The following PCDH15 variants were observed in gnomAD, a reference collection of about 807,000 sequenced individuals.
PCDH15 encodes protocadherin-15.
Under a neutral mutation model 178.5 loss-of-function variants are expected in PCDH15, and 129 were observed. The observed-to-expected ratio is 0.72, with a 90% CI of 0.63 to 0.84. PCDH15 has a LOEUF of 0.84. Among genes scored for constraint, PCDH15 ranks in the 40% least tolerant of loss-of-function variants. The pLI is 0.00. For missense variants in PCDH15, 2,230 were observed against 2,099.9 expected (o/e 1.06, Z -1.21); for synonymous variants, 800 against 732.0 (o/e 1.09, Z -1.50).
rs77636147 is a variant in PCDH15 at position 55,432,385 on chromosome 10, T to C, written c.-156+195240A>G. ...TTTATTCTGAGTGCTATGGAAGGCA[T>C]TGCAGGGTTCTGAGTGGAGGATTGA... On this transcript the variant is annotated intron_variant, in intron 2 of 5. Transcript: ENST00000613346. 4.4e-3 allele frequency among the ~76,000 whole-genome samples: 673 copies of C among 152,266 alleles called. 7 individuals carry two copies. The highest frequency in any genetic ancestry group is 0.016 in the African/African-American group (644 of 41,548).
chr10:55,528,330 A>G (rs539591205), intron 2 of PCDH15, among the ~76,000 whole-genome samples: 5 of 151,984 alleles, frequency 3.3e-5, no homozygotes, highest in Non-Finnish European at 7.4e-5. Context: ...GCACCCATTA[A>G]CTGCTCATTT....
At chr10:54,093,974 C>T (rs984936414) in intron 15 of PCDH15, among the ~76,000 whole-genome samples, 6 of 151,962 alleles carry the variant, frequency 3.9e-5, no homozygotes, top group Admixed American at 2.6e-4. Flanking sequence ...AAGTCATATC[C>T]GAGTCCCTTC....
Position 53,865,375 on chromosome 10 carries a change from C to G in PCDH15, c.3717+1267G>C, listed in dbSNP as rs530892394. Among the ~76,000 whole-genome samples the G allele has an allele frequency of 5.3e-4, 81 of 152,044 alleles. 1 individual carries two copies. The highest frequency in any genetic ancestry group is 5.6e-4 in the Non-Finnish European group (38 of 68,022). On this transcript the variant is annotated intron_variant, in intron 27 of 37. Coordinates refer to ENST00000644397, the MANE Select transcript of PCDH15 (RefSeq NM_001384140.1). ...CACAATGGAAGTTAAAATTATTCGG[C>G]TAATTGGACTGGACATCCTGGTAGG...
intron 3 of PCDH15, among the ~76,000 whole-genome samples, chr10:54,807,478 A>G (rs1952796905): frequency 6.6e-6 from 1 of 152,048 alleles, no homozygotes; most frequent in Non-Finnish European, 1.5e-5. Context: ...ACTGTAGGAT[A>G]GTGGCTACTA....
chr10:55,504,155 A>C (rs1840713318), intron 2 of PCDH15, among the ~76,000 whole-genome samples: 1 of 151,270 alleles, frequency 6.6e-6, no homozygotes, highest in Non-Finnish European at 1.5e-5. Flanking sequence ...CCTAACGTAA[A>C]CTATGCATTC....
At chr10:54,455,255 G>A (rs1251410339) in intron 3 of PCDH15, among the ~76,000 whole-genome samples, 2 of 152,136 alleles carry the variant, frequency 1.3e-5, no homozygotes, top group African/African-American at 4.8e-5. Flanking sequence ...TGGTAGTGCA[G>A]AGAGTGGGGC....
chr10:53,974,770 A>AT (rs931239533), intron 21 of PCDH15, among the ~76,000 whole-genome samples: 53 of 148,444 alleles, frequency 3.6e-4, no homozygotes, highest in Admixed American at 6.7e-4. Context: ...CCTTTTTCTT[A>AT]TTTTTTTTTT....
chr10:55,487,984 T>G (rs1565189262), intron 2 of PCDH15, among the ~76,000 whole-genome samples: 1 of 151,760 alleles, frequency 6.6e-6, no homozygotes, highest in Admixed American at 6.6e-5. Flanking sequence ...GCCTTCAGAT[T>G]TATTTAAAAT....
At chr10:55,407,253 G>C (rs958765240) in intron 2 of PCDH15, among the ~76,000 whole-genome samples, 4 of 152,112 alleles carry the variant, frequency 2.6e-5, no homozygotes, top group African/African-American at 9.7e-5. Context: ...CTGTATATTC[G>C]TACATCTTGG....
chr10:53,990,696 G>A (rs952142555), intron 21 of PCDH15, among the ~76,000 whole-genome samples: 25 of 152,004 alleles, frequency 1.6e-4, no homozygotes, highest in African/African-American at 4.8e-4. Context: ...CGGACTCGGC[G>A]TCCACTCTGG....
rs573310526 is a variant in PCDH15 at position 53,830,254 on chromosome 10, A to G, written c.4202+1061T>C. On this transcript the variant is annotated intron_variant, in intron 30 of 37. Coordinates refer to ENST00000644397, the MANE Select transcript of PCDH15 (RefSeq NM_001384140.1). ...GAGGCAGAGGTTGCAGTGAGCTGAG[A>G]TCACACCACTGCACTCCAGCCTGGG... Among the ~76,000 whole-genome samples the G allele has an allele frequency of 1.1e-4, 16 of 151,914 alleles. No homozygotes were observed. In the South Asian group the frequency reaches 3.3e-3, roughly 32 times the overall value.
chr10:55,060,706 CA>C (rs1018877016), intron 2 of PCDH15, among the ~76,000 whole-genome samples: 1 of 151,330 alleles, frequency 6.6e-6, no homozygotes, highest in Admixed American at 6.6e-5. Flanking sequence ...CAATTGTTTT[CA>C]AAAAAACGAT....
chr10:53,900,936 A>G (rs2082295878), intron 26 of PCDH15, among the ~76,000 whole-genome samples: 1 of 152,102 alleles, frequency 6.6e-6, no homozygotes, highest in South Asian at 2.1e-4. Context: ...ACATCACACT[A>G]TAGGATTAGT....
At chr10:53,980,279 G>A (rs901438690) in intron 21 of PCDH15, among the ~76,000 whole-genome samples, 1 of 151,422 alleles carries the variant, frequency 6.6e-6, no homozygotes, top group African/African-American at 2.4e-5. Context: ...GGTAAAAGTA[G>A]ACATATATCA....
intron 4 of PCDH15, among the ~76,000 whole-genome samples, chr10:54,373,697 T>C (rs1185488648): frequency 6.6e-6 from 1 of 152,010 alleles, no homozygotes; most frequent in African/African-American, 2.4e-5. Flanking sequence ...TAGCAACTTT[T>C]ATAAAACTGA....
chr10:55,057,267 T>C (rs1591865300), intron 2 of PCDH15, among the ~76,000 whole-genome samples: 1 of 152,276 alleles, frequency 6.6e-6, no homozygotes, highest in Admixed American at 6.5e-5. Context: ...GTAATTTTTT[T>C]CCCTTGATTT....
At chr10:55,142,505 T>C (rs537230062) in intron 2 of PCDH15, among the ~76,000 whole-genome samples, 12 of 151,488 alleles carry the variant, frequency 7.9e-5, no homozygotes, top group African/African-American at 2.9e-4. Context: ...TCAGGTATTC[T>C]CATTCACAGA....
chr10:54,902,807 G>A (rs963307320), intron 2 of PCDH15, among the ~76,000 whole-genome samples: 1 of 152,066 alleles, frequency 6.6e-6, no homozygotes, highest in South Asian at 2.1e-4. Context: ...CTTCTCATTA[G>A]CTATTTATTT....
intron 2 of PCDH15, among the ~76,000 whole-genome samples, chr10:54,645,708 C>T (rs1209294915): frequency 6.6e-6 from 1 of 151,952 alleles, no homozygotes; most frequent in Non-Finnish European, 1.5e-5. Context: ...TGTATGTTTG[C>T]ATGTGTGTGT....
Sources: allele counts gnomAD v4.1 joint callset (sites outside exome capture counted in the v4.1 genomes callset), GRCh38; gene constraint gnomAD v4.1.1; transcripts MANE v1.5; gene names NCBI Gene and HGNC (gene_info 2026-07-23, HGNC 2026-07-21).